CD33: variants seen among roughly 807,000 people sequenced by gnomAD.
The protein encoded by CD33 is CD33 molecule.
In CD33, 25 loss-of-function variants were observed where a neutral mutation model predicts 31.4. The observed-to-expected ratio is 0.80, with a 90% CI of 0.58 to 1.11. CD33 has a LOEUF of 1.11. Among genes scored for constraint, CD33 ranks in the 50% most tolerant of loss-of-function variants. The probability of loss-of-function intolerance (pLI) is 0.00; values close to 1 mark genes in which losing one functional copy is unlikely to be tolerated. For missense variants in CD33, 407 were observed against 448.1 expected (o/e 0.91, Z 0.83); for synonymous variants, 176 against 180.6 (o/e 0.97, Z 0.20).
At chr19:51,213,865 C>CT in the CD33 span, among the ~76,000 whole-genome samples, 4,584 of 112,666 alleles carry the variant, frequency 0.041, 249 homozygotes, top group Admixed American at 0.17. Flanking sequence ...TTTTTTTTTC[C>CT]TTTTTTTTTT....
chr19:51,235,834 C>A, intron 6 of CD33, 158 bp downstream of exon 6: 1 of 742,118 alleles, frequency 1.3e-6, no homozygotes, highest in Non-Finnish European at 2.4e-6. Context: ...TACGTTGAGG[C>A]CAACAGATCA....
At chr19:51,235,482 G>A in intron 5 of CD33, 113 bp from the exon 6 acceptor site, 1 of 1,466,150 alleles carries the variant, frequency 6.8e-7, no homozygotes, top group Non-Finnish European at 9.0e-7. Context: ...CTTGTTTGAG[G>A]GCTCCTGGAT....
In CD33 at chr19:51,239,653, A is replaced by G; in HGVS notation, c.1060A>G (p.Thr354Ala). The G allele has an allele frequency of 1.2e-6, 2 of 1,613,022 alleles. No homozygotes were observed. Among genetic ancestry groups the G allele is most frequent in the Non-Finnish European group, 1.7e-6 (2 of 1,179,724 alleles). The stretch of plus-strand genomic sequence containing the variant: ...TCATGGGATGAATCCTTCCAAGGAC[A>G]CCTCCACCGAATACTCAGAGGTCAG... ...NFHGMNPSKD[T>A]STEYSEVRTQ Residue 354 changes from threonine (T) to alanine (A), a missense_variant, in exon 7 of 7, where the codon ACC becomes GCC. Physicochemically the swap from Thr to Ala is moderately conservative, Grantham distance 58 (BLOSUM62 0). Coordinates refer to ENST00000262262, the MANE Select transcript of CD33 (RefSeq NM_001772.4).
chr19:51,226,167 G>A, intron 3 of CD33, 86 bp downstream of exon 3: 1 of 1,552,260 alleles, frequency 6.4e-7, no homozygotes, highest in Admixed American at 1.7e-5. Flanking sequence ...GTGTCCTGGA[G>A]GCCTGGCTGA....
intron 4 of CD33, among the ~76,000 whole-genome samples, chr19:51,231,603 G>GTTTTTTT (rs774556770): frequency 1.6e-5 from 2 of 123,240 alleles, no homozygotes; most frequent in Non-Finnish European, 3.2e-5. Flanking sequence ...GTTGGCTGAT[G>GTTTTTTT]TTTTTTTTTT....
At chr19:51,235,343 G>A in intron 5 of CD33, 90 bp downstream of exon 5, 1 of 1,337,270 alleles carries the variant, frequency 7.5e-7, no homozygotes, top group Non-Finnish European at 1.1e-6. Context: ...GAGGGCTGGA[G>A]AAAGGGCAGG....
chr19:51,226,768 T>C (rs1039941012), intron 4 of CD33, among the ~76,000 whole-genome samples: 1 of 152,048 alleles, frequency 6.6e-6, no homozygotes, highest in Non-Finnish European at 1.5e-5. Flanking sequence ...CTATCTATTA[T>C]TGTTAAGCAT....
At chr19:51,215,546 C>A in the CD33 span, among the ~76,000 whole-genome samples, 4 of 152,294 alleles carry the variant, frequency 2.6e-5, no homozygotes, top group African/African-American at 9.6e-5. Context: ...CTGCCATGGG[C>A]TAATCTCTCA....
At chr19:51,224,197 C>T (rs1205364302), upstream of CD33, among the ~76,000 whole-genome samples, 2 of 151,842 alleles carry the variant, frequency 1.3e-5, no homozygotes, top group Non-Finnish European at 2.9e-5. Flanking sequence ...TTCTGAGTCT[C>T]TTTGTTGTGC....
chr19:51,213,850 CTTTTTTTTTT>C, the CD33 span, among the ~76,000 whole-genome samples: 8 of 126,008 alleles, frequency 6.3e-5, no homozygotes, highest in Middle Eastern at 5.1e-3. Flanking sequence ...TTTTCTTTTT[CTTTTTTTTTT>C]TTTCCTTTTT....
At position 51,231,687 on chromosome 19, in the gene CD33, G is replaced by C. The variant is rs982608520; in HGVS notation, c.746-3470G>C. 5.4e-5 allele frequency among the ~76,000 whole-genome samples: 8 copies of C among 149,350 alleles called. No individual in the cohort carries two copies. In the Admixed American group the frequency reaches 5.4e-4, roughly 10 times the overall value. ...GGCTGTCAGTGAGTTTTAAGTTCACGTGTTTTTGCCTTTTCACTTCCAGAT... is the reference window on the plus strand; with the variant it reads ...GGCTGTCAGTGAGTTTTAAGTTCACCTGTTTTTGCCTTTTCACTTCCAGAT... On this transcript the variant is annotated intron_variant, in intron 4 of 6. Coordinates refer to ENST00000262262, the MANE Select transcript of CD33 (RefSeq NM_001772.4).
intron 6 of CD33, chr19:51,239,020 C>G (rs752503612): frequency 6.6e-6 from 1 of 152,574 alleles, no homozygotes; most frequent in Admixed American, 6.5e-5. Flanking sequence ...TGTTCATCTG[C>G]ACACTGTCAC....
the CD33 span, among the ~76,000 whole-genome samples, chr19:51,213,964 ATTC>A: frequency 1.1e-3 from 161 of 150,564 alleles, no homozygotes; most frequent in African/African-American, 3.8e-3. Context: ...GATTCAAGCA[ATTC>A]TCCTGCCTCA....
chr19:51,235,369 C>A, intron 5 of CD33, 116 bp downstream of exon 5: 1 of 1,233,438 alleles, frequency 8.1e-7, no homozygotes, highest in Non-Finnish European at 1.2e-6. Flanking sequence ...TGATGATGTA[C>A]AGAATCCAGC....
chr19:51,221,705 T>C (rs1404712984), upstream of CD33, among the ~76,000 whole-genome samples: 2 of 152,286 alleles, frequency 1.3e-5, no homozygotes, highest in East Asian at 3.9e-4. Context: ...CATGCCAATA[T>C]TTATAACAAC....
the CD33 span, among the ~76,000 whole-genome samples, chr19:51,214,806 C>T: frequency 2.6e-5 from 4 of 152,116 alleles, no homozygotes; most frequent in Admixed American, 2.0e-4. Context: ...CTGATAGTGT[C>T]AATCACTAAA....
chr19:51,224,550 C>T (rs769460831), upstream of CD33, among the ~76,000 whole-genome samples: 35 of 152,288 alleles, frequency 2.3e-4, no homozygotes, highest in Non-Finnish European at 3.8e-4. Flanking sequence ...TCCGAGATGA[C>T]GGTGCTCCTG....
At chr19:51,232,426 G>T (rs1981485549) in intron 4 of CD33, among the ~76,000 whole-genome samples, 1 of 152,150 alleles carries the variant, frequency 6.6e-6, no homozygotes, top group African/African-American at 2.4e-5. Flanking sequence ...TGAGCTTCCT[G>T]GACCTGGATG....
At chr19:51,226,165 G>A (rs1433197540) in intron 3 of CD33, 84 bp downstream of exon 3, 3 of 1,551,210 alleles carry the variant, frequency 1.9e-6, no homozygotes, top group Admixed American at 1.7e-5. Flanking sequence ...TAGTGTCCTG[G>A]AGGCCTGGCT....
Sources: gnomAD v4.1 joint callset for allele counts (sites outside exome capture counted in the v4.1 genomes callset) on GRCh38, gnomAD v4.1.1 for gene constraint, MANE v1.5 for transcripts, NCBI Gene and HGNC (gene_info 2026-07-23, HGNC 2026-07-21) for gene names.